The following HMCN2 variants were observed in gnomAD, a reference collection of about 807,000 sequenced individuals.
The protein encoded by HMCN2 is hemicentin-2.
In HMCN2, 325 loss-of-function variants were observed where a neutral mutation model predicts 377.5. That is an observed-to-expected ratio of 0.86 (90% CI 0.79 to 0.94). The LOEUF (loss-of-function observed/expected upper bound fraction) is 0.94, where lower values mean the gene tolerates loss of function less well. Ranked by LOEUF, HMCN2 falls within the 40% of genes least tolerant of loss-of-function variation. The pLI is 0.00. For missense variants in HMCN2, 4,543 were observed against 4,725.3 expected, an observed-to-expected ratio of 0.96 and a Z score of 1.13; for synonymous variants, 2,007 against 2,046.8, an observed-to-expected ratio of 0.98 and a Z score of 0.53.
rs781416134 is a variant in HMCN2, at chr9:130,384,707, G to T, written c.9015G>T (p.Gly3005=). The change falls in exon 59 of 98, where the codon GGG becomes GGT. Residue 3005 remains glycine (G), a synonymous_variant. Transcript: ENST00000683500. ...LLPGTHTLQL[G]RARLSDSGMY... The stretch of plus-strand genomic sequence containing the variant: ...CAGGCACCCACACGCTGCAGCTGGG[G>T]AGAGCACGGCTGTCGGACTCCGGGA... 1 of 1,302,572 alleles carries T rather than the reference G, an allele frequency of 7.7e-7. No homozygotes were observed. The highest frequency in any genetic ancestry group is 1.2e-5 in the South Asian group (1 of 81,036). The allele number at this position is 1,302,572 out of a possible 1,614,324, so 80.7% of individuals were successfully genotyped here.
intron 15 of HMCN2, among the ~76,000 whole-genome samples, chr9:130,314,548 C>G (rs1837436755): frequency 6.6e-6 from 1 of 152,200 alleles, no homozygotes; most frequent in Admixed American, 6.5e-5. Flanking sequence ...GGCCCAATCG[C>G]AGCATTCCCT....
chr9:130,424,673 G>C, intron 87 of HMCN2, 103 bp from the exon 88 acceptor site: 14 of 1,242,314 alleles, frequency 1.1e-5, no homozygotes, highest in Non-Finnish European at 1.4e-5. Context: ...GGAAGGGGCT[G>C]AGCTCTCCTG....
In HMCN2 at chr9:130,408,864, C is replaced by T; in HGVS notation, c.12810C>T (p.Gly4270=). The change falls in exon 84 of 98, where the codon GGC becomes GGT. Residue 4270 remains glycine, a synonymous_variant. Transcript: ENST00000683500. ...CGGACATCCACTGGATCAAAGATGGCCTTCCACTGCGGGGCAGCCACCTCC... is the reference window on the plus strand; with the variant it reads ...CGGACATCCACTGGATCAAAGATGGTCTTCCACTGCGGGGCAGCCACCTCC... ...PVPDIHWIKD[G]LPLRGSHLRH... is the part of the protein sequence containing the mutation. The T allele has an allele frequency of 1.6e-6, 2 of 1,289,820 alleles. No homozygotes were observed. The highest frequency in any genetic ancestry group is 2.0e-6 in the Non-Finnish European group (2 of 988,876). The allele number at this position is 1,289,820 out of a possible 1,614,324, so 79.9% of individuals were successfully genotyped here.
Position 130,369,314 on chromosome 9 carries a change from G to C in HMCN2, c.6788-256G>C, listed in dbSNP as rs2131591757. Among the ~76,000 whole-genome samples, 1 of 152,302 alleles carries C rather than the reference G, an allele frequency of 6.6e-6. No individual in the cohort carries two copies. Among genetic ancestry groups the C allele is most frequent in the East Asian group, 1.9e-4 (1 of 5,168 alleles). On this transcript the variant is annotated intron_variant, in intron 44 of 97. Coordinates refer to ENST00000683500, the MANE Select transcript of HMCN2 (RefSeq NM_001291815.2). This position sits in a 1 kb window ranked among gnomAD's most constrained non-coding sequence, Gnocchi z 4.5. ...AAACTCCAGGAAGTCTCTGGTTTTTGAGGAAGAAAACCCATCACACTTCCT... is the reference window on the plus strand; with the variant it reads ...AAACTCCAGGAAGTCTCTGGTTTTTCAGGAAGAAAACCCATCACACTTCCT...
chr9:130,366,467 ATTTTTTTTT>A (rs71499234), intron 43 of HMCN2, among the ~76,000 whole-genome samples: 30 of 82,986 alleles, frequency 3.6e-4, no homozygotes, highest in East Asian at 3.1e-3. Context: ...CACTTCACCA[ATTTTTTTTT>A]TTTTTTTTTT....
At position 130,342,012 on chromosome 9, in the gene HMCN2, AAAATAAATAAATAAATAAATAAAT is replaced by A. The variant is rs1221408865; in HGVS notation, c.3743-310_3743-287del. ...CCAACATAGTGAAACCCCATCTCTTAAAATAAATAAATAAATAAATAAATAAATAAATAAATAAATAAATAAATA... is the reference window on the plus strand; with the variant it reads ...CCAACATAGTGAAACCCCATCTCTTAAAATAAATAAATAAATAAATAAATA... On this transcript the variant is annotated intron_variant, in intron 24 of 97. Coordinates refer to ENST00000683500, the MANE Select transcript of HMCN2 (RefSeq NM_001291815.2). Among the ~76,000 whole-genome samples, 5 of 130,692 alleles carry A rather than the reference AAAATAAATAAATAAATAAATAAAT, an allele frequency of 3.8e-5. No individual in the cohort carries two copies. The Admixed American group carries it at 3.9e-4, about 10-fold the overall frequency. 85.7% of individuals were successfully genotyped at this position (130,692 alleles called of 152,430 possible).
At chr9:130,399,749 ACCTCCTCCAGG>A in intron 76 of HMCN2, 117 bp downstream of exon 76, 1 of 677,462 alleles carries the variant, frequency 1.5e-6, no homozygotes, top group Non-Finnish European at 2.1e-6. Flanking sequence ...TGCACTGGAC[ACCTCCTCCAGG>A]AAGGTCTCTC....
At position 130,395,338 on chromosome 9, in the gene HMCN2, T is replaced by A. The variant is rs1322759602; in HGVS notation, c.10902T>A (p.Ile3634=). 7.8e-7 allele frequency: 1 copy of A among 1,287,660 alleles called. No individual in the cohort carries two copies. Among genetic ancestry groups the A allele is most frequent in the African/African-American group, 1.5e-5 (1 of 65,562 alleles). The allele number at this position is 1,287,660 out of a possible 1,614,324, so 79.8% of individuals were successfully genotyped here. A position where few individuals can be genotyped will look rare whatever the true frequency, so the allele number is the denominator to read the frequency against. The change falls in exon 71 of 98, where the codon ATT becomes ATA. Residue 3634 remains isoleucine, a synonymous_variant. Coordinates refer to ENST00000683500, the MANE Select transcript of HMCN2 (RefSeq NM_001291815.2). ...APKITWHRDG[I]VLQEDAHTQF... is the part of the protein sequence containing the mutation. ...AGATCACGTGGCACCGAGACGGCAT[T>A]GTGCTGCAGGTGGGCGCCAGGCAGG...
At chr9:130,413,722 GACACACGCATGTGCACGTGCGCAC>G (rs1293052667) in intron 85 of HMCN2, among the ~76,000 whole-genome samples, 1 of 152,086 alleles carries the variant, frequency 6.6e-6, no homozygotes, top group African/African-American at 2.4e-5. Context: ...AGTGGGCTCA[GACACACGCATGTGCACGTGCGCAC>G]ACACACGCAC....
intron 79 of HMCN2, among the ~76,000 whole-genome samples, chr9:130,403,536 G>A (rs774836617): frequency 1.1e-4 from 16 of 152,312 alleles, no homozygotes; most frequent in East Asian, 1.9e-4. Flanking sequence ...GATGCCATCC[G>A]AGCACTCGGT....
chr9:130,347,914 C>A lies in HMCN2; in HGVS notation c.4024+554C>A. 1 of 763,340 alleles carries A rather than the reference C, an allele frequency of 1.3e-6. No individual in the cohort carries two copies. Among genetic ancestry groups the A allele is most frequent in the Non-Finnish European group, 1.6e-6 (1 of 627,890 alleles). 47.3% of individuals were successfully genotyped at this position (763,340 alleles called of 1,614,324 possible). On this transcript the variant is annotated intron_variant, in intron 26 of 97. Transcript: ENST00000683500. The surrounding 1 kb of genome is among the most constrained non-coding windows in gnomAD (Gnocchi z 5.1). Reference sequence around the variant, plus strand: ...GATGGCAGTGCAGAGCCCCAGAGCCCACCTCCGGGTTAAAACTGTTACCCC... The same window carrying A: ...GATGGCAGTGCAGAGCCCCAGAGCCAACCTCCGGGTTAAAACTGTTACCCC...
chr9:130,324,274 T>G (rs1370201022), intron 19 of HMCN2, among the ~76,000 whole-genome samples: 2 of 152,214 alleles, frequency 1.3e-5, no homozygotes, highest in Admixed American at 1.3e-4. Flanking sequence ...CTTACAGTAT[T>G]TGTCCTCCTA....
rs780560944 is a variant in HMCN2 at position 130,432,437 on chromosome 9, G to C, written c.14776G>C (p.Glu4926Gln). Residue 4926 changes from glutamate (E) to glutamine (Q), a missense_variant, in exon 97 of 98, where the codon GAG (glutamate) becomes CAG (glutamine). This residue lies in a region of HMCN2 where 1,155 missense variants were observed against 1,157.7 expected (regional missense o/e 1.00). Transcript: ENST00000683500. ...CCAACTTCCCCATCCAGACATCAAC[G>C]AGTGCGAGGAGGAGAGCATCGAGTG... The part of the protein sequence containing the change: ...PSGKNCQDIN[E>Q]CEEESIECGP... The C allele has an allele frequency of 6.4e-7, 1 of 1,550,732 alleles. No homozygotes were observed.
intron 22 of HMCN2, among the ~76,000 whole-genome samples, chr9:130,336,200 CAAGTTAATAA>C (rs1368190878): frequency 4.6e-5 from 7 of 152,106 alleles, no homozygotes; most frequent in African/African-American, 1.7e-4. Context: ...CAAAAGGGAG[CAAGTTAATAA>C]ACTGTGGTGT....
At chr9:130,402,996 C>G in intron 78 of HMCN2, 100 bp downstream of exon 78, 1 of 1,041,210 alleles carries the variant, frequency 9.6e-7, no homozygotes, top group Non-Finnish European at 1.3e-6. Flanking sequence ...GGCCCCGGGT[C>G]TCAGAGGCCC....
rs951769527 is a variant in HMCN2, at chr9:130,306,910, C to T, written c.2058C>T (p.Asp686=). 8.5e-6 allele frequency: 4 copies of T among 470,632 alleles called. No homozygotes were observed. The highest frequency in any genetic ancestry group is 8.0e-5 in the African/African-American group (4 of 50,034). 29.2% of individuals were successfully genotyped at this position (470,632 alleles called of 1,614,324 possible). A position where few individuals can be genotyped will look rare whatever the true frequency, so the allele number is the denominator to read the frequency against. ...AGGCGACTAATGAGGTTGGCACTGA[C>T]CAGGAGACGGTCACCCTCTACTACA... is the stretch of plus-strand genomic sequence containing the variant. ...SCQATNEVGT[D]QETVTLYYTD... is the part of the protein sequence containing the mutation. Residue 686 remains aspartate, a synonymous_variant, in exon 13 of 98, where the codon GAC becomes GAT. Transcript: ENST00000683500.
At position 130,389,310 on chromosome 9, in the gene HMCN2, G is replaced by A. The variant is rs553793030; in HGVS notation, c.9523+770G>A. ...TGATTTGTAGTACAGTCACAGAGTT[G>A]TGTGACCATCACCACAATCAAATTT... On this transcript the variant is annotated intron_variant, in intron 62 of 97. Transcript: ENST00000683500. 2.0e-5 allele frequency among the ~76,000 whole-genome samples: 3 copies of A among 152,306 alleles called. No individual in the cohort carries two copies. The South Asian group carries it at 6.2e-4, about 32-fold the overall frequency.
At chr9:130,350,285 C>A (rs1839631165) in intron 29 of HMCN2, among the ~76,000 whole-genome samples, 1 of 150,126 alleles carries the variant, frequency 6.7e-6, no homozygotes, top group South Asian at 2.1e-4. Flanking sequence ...GCCTGTAATC[C>A]CAGCATTTTG....
chr9:130,284,810 T>C (rs1312881637), intron 2 of HMCN2, 137 bp downstream of exon 2: 5 of 419,214 alleles, frequency 1.2e-5, no homozygotes, highest in Admixed American at 2.5e-5. Context: ...GTGGCTTCCT[T>C]AGGCCATCTG....
Sources: allele counts gnomAD v4.1 joint callset (sites outside exome capture counted in the v4.1 genomes callset), GRCh38; gene constraint gnomAD v4.1.1; regional missense constraint gnomAD v4.1.1; non-coding constraint Gnocchi (gnomAD v3.1); transcripts MANE v1.5; gene names NCBI Gene and HGNC (gene_info 2026-07-23, HGNC 2026-07-21).